Variants in OSBPL10 observed in about 807,000 individuals in gnomAD.
OSBPL10 encodes oxysterol binding protein like 10.
In OSBPL10, 49 loss-of-function variants were observed where a neutral mutation model predicts 81.7. The ratio of observed to expected loss-of-function variants is 0.60; its 90% confidence interval spans 0.48 to 0.76. The LOEUF (loss-of-function observed/expected upper bound fraction) is 0.76, where lower values mean the gene tolerates loss of function less well. OSBPL10 is among the 30% of genes least tolerant of loss of function. OSBPL10 has a pLI of 0.00. For missense variants in OSBPL10, 923 were observed against 987.8 expected, an observed-to-expected ratio of 0.93 and a Z score of 0.88; for synonymous variants, 419 against 383.6, an observed-to-expected ratio of 1.09 and a Z score of -1.08.
chr3:31,694,242 G>T (rs960471244), intron 7 of OSBPL10, among the ~76,000 whole-genome samples: 1 of 151,622 alleles, frequency 6.6e-6, no homozygotes, highest in African/African-American at 2.4e-5. Flanking sequence ...GTGATGGTGA[G>T]CACCTGTAAT....
At chr3:31,947,972 T>A (rs543585583) in intron 1 of OSBPL10, among the ~76,000 whole-genome samples, 1 of 152,196 alleles carries the variant, frequency 6.6e-6, no homozygotes, top group South Asian at 2.1e-4. Flanking sequence ...TTGGGTTTGA[T>A]ACTCCCAATC....
At chr3:31,957,223 C>G (rs1349648596) in intron 1 of OSBPL10, among the ~76,000 whole-genome samples, 1 of 152,156 alleles carries the variant, frequency 6.6e-6, no homozygotes, top group African/African-American at 2.4e-5. Context: ...GTTTTTTTAA[C>G]TATCACAACT....
chr3:32,011,988 G>A (rs751717814), intron 2 of OSBPL10, among the ~76,000 whole-genome samples: 3 of 152,182 alleles, frequency 2.0e-5, no homozygotes, highest in Non-Finnish European at 2.9e-5. Context: ...GAAAGTGACG[G>A]GGAGAATGCA....
upstream of OSBPL10, among the ~76,000 whole-genome samples, chr3:31,984,457 T>G (rs986880436): frequency 6.6e-6 from 1 of 152,024 alleles, no homozygotes; most frequent in Non-Finnish European, 1.5e-5. Context: ...CTTCTTGCAC[T>G]GAGTCAGTTC....
At chr3:31,987,437 T>C (rs1338084136) in intron 2 of OSBPL10, among the ~76,000 whole-genome samples, 1 of 152,242 alleles carries the variant, frequency 6.6e-6, no homozygotes, top group Non-Finnish European at 1.5e-5. Context: ...AGTTTAATTA[T>C]TTCCTTAGAA....
At chr3:31,764,942 C>T (rs769517880) in intron 4 of OSBPL10, among the ~76,000 whole-genome samples, 1 of 152,170 alleles carries the variant, frequency 6.6e-6, no homozygotes, top group African/African-American at 2.4e-5. Flanking sequence ...ACCAGATAGC[C>T]TTCCATCATC....
chr3:31,759,711 C>T (rs775145686), intron 4 of OSBPL10, among the ~76,000 whole-genome samples: 1 of 152,248 alleles, frequency 6.6e-6, no homozygotes, highest in East Asian at 1.9e-4. Flanking sequence ...CACATATTAG[C>T]ACTGTATTCT....
intron 1 of OSBPL10, among the ~76,000 whole-genome samples, chr3:32,068,881 C>G (rs1036149950): frequency 2.6e-5 from 4 of 152,074 alleles, no homozygotes; most frequent in Non-Finnish European, 5.9e-5. Context: ...CTCACCTCCT[C>G]CCCAGACTGC....
chr3:31,745,339 G>A (rs1047452071), intron 5 of OSBPL10, among the ~76,000 whole-genome samples: 1 of 152,198 alleles, frequency 6.6e-6, no homozygotes, highest in Non-Finnish European at 1.5e-5. Flanking sequence ...CATCATGTCT[G>A]CAACTTACTC....
intron 3 of OSBPL10, among the ~76,000 whole-genome samples, chr3:31,832,516 G>A (rs777993802): frequency 8.7e-4 from 132 of 152,266 alleles, no homozygotes; most frequent in Non-Finnish European, 1.6e-3. Flanking sequence ...ATGTGCCTAG[G>A]AAAATATCTA....
At chr3:32,026,791 C>G (rs918274850) in intron 2 of OSBPL10, among the ~76,000 whole-genome samples, 8 of 152,190 alleles carry the variant, frequency 5.3e-5, no homozygotes, top group African/African-American at 1.9e-4. Flanking sequence ...CAGCTCTAAG[C>G]TGAGGAAACG....
intron 2 of OSBPL10, among the ~76,000 whole-genome samples, chr3:32,020,291 A>G (rs1276815980): frequency 1.3e-5 from 2 of 152,118 alleles, no homozygotes; most frequent in Non-Finnish European, 2.9e-5. Flanking sequence ...CCTTTAGCCC[A>G]TTTGCAGACA....
intron 3 of OSBPL10, among the ~76,000 whole-genome samples, chr3:31,844,689 T>C (rs1477008976): frequency 6.6e-6 from 1 of 152,208 alleles, no homozygotes; most frequent in East Asian, 1.9e-4. Flanking sequence ...TTTTATTTTG[T>C]GGTAGCAAAA....
chr3:31,673,059 T>C (rs1700366113), intron 8 of OSBPL10, among the ~76,000 whole-genome samples: 1 of 152,214 alleles, frequency 6.6e-6, no homozygotes, highest in African/African-American at 2.4e-5. Context: ...TAAACTCATC[T>C]TGCCAAAAGT....
chr3:31,677,365 A>G (rs1468120054), intron 8 of OSBPL10, among the ~76,000 whole-genome samples: 7 of 152,040 alleles, frequency 4.6e-5, no homozygotes, highest in Admixed American at 2.0e-4. Context: ...ACTTAGGCAA[A>G]CTCAAGGCCT....
At chr3:31,713,952 T>A (rs1696348784) in intron 6 of OSBPL10, 1 of 152,256 alleles carries the variant, frequency 6.6e-6, no homozygotes, top group Admixed American at 6.5e-5. Flanking sequence ...TATCTGACAC[T>A]GACTTATTCG....
At chr3:31,841,816 T>C (rs565318957) in intron 3 of OSBPL10, among the ~76,000 whole-genome samples, 1 of 152,348 alleles carries the variant, frequency 6.6e-6, no homozygotes, top group South Asian at 2.1e-4. Context: ...TTATTTTAAT[T>C]ACACAATTTA....
intron 10 of OSBPL10, among the ~76,000 whole-genome samples, chr3:31,667,067 T>C (rs1700209572): frequency 6.6e-6 from 1 of 152,220 alleles, no homozygotes; most frequent in South Asian, 2.1e-4. Context: ...AGAGTCTTAA[T>C]AAGGAGTAGC....
chr3:31,918,016 T>C (rs1301542456), intron 1 of OSBPL10, among the ~76,000 whole-genome samples: 1 of 152,066 alleles, frequency 6.6e-6, no homozygotes, highest in East Asian at 1.9e-4. Flanking sequence ...ACATGAAAAT[T>C]ACTACTTTAT....
Sources: allele counts gnomAD v4.1 joint callset (sites outside exome capture counted in the v4.1 genomes callset), GRCh38; gene constraint gnomAD v4.1.1; transcripts MANE v1.5; gene names NCBI Gene and HGNC (gene_info 2026-07-23, HGNC 2026-07-21).